Variants in RBFOX1 observed in about 807,000 individuals in gnomAD.
The protein encoded by RBFOX1 is RNA binding fox-1 homolog 1.
A neutral mutation model predicts 57.7 loss-of-function variants in RBFOX1; 8 were observed. That is an observed-to-expected ratio of 0.14 (90% CI 0.08 to 0.25). The LOEUF (loss-of-function observed/expected upper bound fraction) is 0.25. RBFOX1 is among the 10% of genes least tolerant of loss of function. The probability of loss-of-function intolerance (pLI) is 1.00; values close to 1 mark genes in which losing one functional copy is unlikely to be tolerated. For synonymous variants in RBFOX1, 326 were observed against 222.4 expected, an observed-to-expected ratio of 1.47 and a Z score of -4.15; for missense variants, 611 against 548.5, an observed-to-expected ratio of 1.11 and a Z score of -1.14.
chr16:6,809,944 G>T (rs1030176137), intron 3 of RBFOX1, among the ~76,000 whole-genome samples: 1 of 151,790 alleles, frequency 6.6e-6, no homozygotes, highest in Non-Finnish European at 1.5e-5. Flanking sequence ...CTACCCGCTT[G>T]TCCTGAGTTG....
chr16:7,096,373 G>A (rs1032824765), intron 4 of RBFOX1, among the ~76,000 whole-genome samples: 7 of 152,180 alleles, frequency 4.6e-5, no homozygotes, highest in Admixed American at 2.0e-4. Flanking sequence ...TCAATTTCTC[G>A]GACCTATTTT....
chr16:6,767,955 A>AT (rs1491434134), intron 3 of RBFOX1, among the ~76,000 whole-genome samples: 73 of 106,920 alleles, frequency 6.8e-4, no homozygotes, highest in South Asian at 2.3e-3. Flanking sequence ...AATAAGAAGA[A>AT]GAAGAAGAAG....
rs186286877 is a variant in RBFOX1 at position 5,807,014 on chromosome 16, C to T, written c.319-60289C>T. Among the ~76,000 whole-genome samples, 892 of 152,208 alleles carry T rather than the reference C, an allele frequency of 5.9e-3. 7 individuals are homozygous for T. The highest frequency in any genetic ancestry group is 0.013 in the Admixed American group (198 of 15,290). The stretch of plus-strand genomic sequence containing the variant: ...GCCTGGGGGAGAAGCTAGAGCTACC[C>T]CCCGACACCTCCTCCAGCAGGCACC... On this transcript the variant is annotated intron_variant, in intron 3 of 19. Coordinates refer to the RBFOX1 transcript ENST00000641259.
intron 3 of RBFOX1, among the ~76,000 whole-genome samples, chr16:7,028,437 A>G (rs2041625596): frequency 6.6e-6 from 1 of 151,774 alleles, no homozygotes; most frequent in Admixed American, 6.6e-5. Context: ...AAAATATAAA[A>G]TTAGCTGGGC....
intron 3 of RBFOX1, among the ~76,000 whole-genome samples, chr16:5,676,675 A>G (rs928473437): frequency 5.3e-5 from 8 of 152,216 alleles, no homozygotes; most frequent in Non-Finnish European, 1.0e-4. Flanking sequence ...AGCCTGGCCA[A>G]TGTGACAAAA....
At chr16:6,419,568 A>C (rs2093718493) in intron 2 of RBFOX1, among the ~76,000 whole-genome samples, 1 of 152,196 alleles carries the variant, frequency 6.6e-6, no homozygotes. Flanking sequence ...GAGGAGAATG[A>C]AAAGGTAGAG....
chr16:7,048,493 T>C (rs1016566643), intron 3 of RBFOX1, among the ~76,000 whole-genome samples: 3 of 141,602 alleles, frequency 2.1e-5, no homozygotes, highest in Non-Finnish European at 1.5e-5. Context: ...TCTCCTGACC[T>C]CATGATCCAC....
chr16:6,371,925 C>A (rs758551455), intron 2 of RBFOX1, among the ~76,000 whole-genome samples: 2 of 152,148 alleles, frequency 1.3e-5, no homozygotes, highest in East Asian at 1.9e-4. Context: ...GCTGTGAGAC[C>A]CTTCAGAAGA....
intron 2 of RBFOX1, among the ~76,000 whole-genome samples, chr16:5,492,075 G>A (rs1317353635): frequency 2.6e-5 from 4 of 152,104 alleles, no homozygotes; most frequent in African/African-American, 7.2e-5. Flanking sequence ...GCACACTCTC[G>A]GGCTCTGTCC....
chr16:5,792,958 G>A (rs1567548940), intron 3 of RBFOX1, among the ~76,000 whole-genome samples: 1 of 152,220 alleles, frequency 6.6e-6, no homozygotes, highest in African/African-American at 2.4e-5. Context: ...GTAGGAGGAG[G>A]AAGAGAAAGG....
intron 14 of RBFOX1, among the ~76,000 whole-genome samples, chr16:7,704,900 A>G (rs1428331224): frequency 4.6e-5 from 7 of 152,080 alleles, no homozygotes; most frequent in Non-Finnish European, 8.8e-5. Flanking sequence ...TGCAAAATTT[A>G]GCCACGTATG....
chr16:7,234,861 G>T (rs1414000469), intron 4 of RBFOX1, among the ~76,000 whole-genome samples: 2 of 151,928 alleles, frequency 1.3e-5, no homozygotes, highest in Non-Finnish European at 2.9e-5. Flanking sequence ...GCATTTAATG[G>T]ATAACAATTT....
intron 3 of RBFOX1, among the ~76,000 whole-genome samples, chr16:6,845,705 G>T (rs1010230268): frequency 6.6e-6 from 1 of 152,152 alleles, no homozygotes; most frequent in Non-Finnish European, 1.5e-5. Context: ...TCCAGGCCTT[G>T]CTTCTCTGAC....
At chr16:5,770,724 C>G (rs1326090043) in intron 3 of RBFOX1, among the ~76,000 whole-genome samples, 1 of 152,092 alleles carries the variant, frequency 6.6e-6, no homozygotes, top group African/African-American at 2.4e-5. Context: ...TCGCCTGCAT[C>G]AAACTGATTT....
At chr16:7,387,036 G>C (rs770298578) in intron 4 of RBFOX1, among the ~76,000 whole-genome samples, 3 of 152,164 alleles carry the variant, frequency 2.0e-5, no homozygotes, top group Non-Finnish European at 4.4e-5. Flanking sequence ...CTCTTGAGAA[G>C]TGTCTGTTCA....
At chr16:6,014,752 C>T (rs1393493911), upstream of RBFOX1, among the ~76,000 whole-genome samples, 1 of 152,096 alleles carries the variant, frequency 6.6e-6, no homozygotes, top group Non-Finnish European at 1.5e-5. Context: ...TGTTATTGAA[C>T]CCAGAGTCAT....
chr16:7,093,409 G>A (rs1323460777), intron 4 of RBFOX1, among the ~76,000 whole-genome samples: 2 of 152,106 alleles, frequency 1.3e-5, no homozygotes, highest in Non-Finnish European at 2.9e-5. Flanking sequence ...TGCATACCCA[G>A]CCCACTTCTT....
intron 3 of RBFOX1, among the ~76,000 whole-genome samples, chr16:6,898,295 C>G (rs1440442497): frequency 6.6e-6 from 1 of 152,104 alleles, no homozygotes; most frequent in Non-Finnish European, 1.5e-5. Flanking sequence ...ACCCCTGCCC[C>G]TCCACGACCT....
intron 3 of RBFOX1, among the ~76,000 whole-genome samples, chr16:6,909,057 T>C (rs566833100): frequency 6.6e-6 from 1 of 152,288 alleles, no homozygotes; most frequent in Non-Finnish European, 1.5e-5. Flanking sequence ...TGATCACCAA[T>C]TTAGGTGTAA....
Sources: allele counts gnomAD v4.1 joint callset (sites outside exome capture counted in the v4.1 genomes callset), GRCh38; gene constraint gnomAD v4.1.1; transcripts MANE v1.5; gene names NCBI Gene and HGNC (gene_info 2026-07-23, HGNC 2026-07-21).